Variants in ST3GAL2 observed in about 807,000 individuals in gnomAD.
ST3GAL2 encodes ST3 beta-galactoside alpha-2,3-sialyltransferase 2.
ST3GAL2 carries 16 observed loss-of-function variants against 37.5 expected under a neutral mutation model. The ratio of observed to expected loss-of-function variants is 0.43; its 90% confidence interval spans 0.29 to 0.65. The LOEUF (loss-of-function observed/expected upper bound fraction) is 0.65, where lower values mean the gene tolerates loss of function less well. Among genes scored for constraint, ST3GAL2 ranks in the 30% least tolerant of loss-of-function variants. The probability of loss-of-function intolerance (pLI) is 0.17; values close to 1 mark genes in which losing one functional copy is unlikely to be tolerated. For missense variants in ST3GAL2, 383 were observed against 487.8 expected (o/e 0.79, Z 2.02); for synonymous variants, 238 against 202.9 (o/e 1.17, Z -1.47).
At chr16:70,394,843 C>T (rs2151661895) in intron 3 of ST3GAL2, 139 bp downstream of exon 3, 1 of 922,678 alleles carries the variant, frequency 1.1e-6, no homozygotes. Flanking sequence ...TCCAAGCCTG[C>T]TGTGAAAGAC....
At chr16:70,394,870 C>A in intron 3 of ST3GAL2, 112 bp downstream of exon 3, 1 of 1,264,230 alleles carries the variant, frequency 7.9e-7, no homozygotes, top group Non-Finnish European at 1.1e-6. Context: ...AGGCAGGGCC[C>A]CACAGCACAC....
chr16:70,408,844 G>C (rs1273372366), intron 1 of ST3GAL2, among the ~76,000 whole-genome samples: 1 of 127,392 alleles, frequency 7.8e-6, no homozygotes, highest in African/African-American at 3.0e-5. Flanking sequence ...CAAAGATCGA[G>C]GCTGCACCCT....
At chr16:70,389,028 C>T (rs1382080642) in intron 3 of ST3GAL2, among the ~76,000 whole-genome samples, 7 of 142,976 alleles carry the variant, frequency 4.9e-5, no homozygotes, top group African/African-American at 1.3e-4. Context: ...GAGCCGACAT[C>T]GCACCACCGC....
Position 70,381,807 on chromosome 16 carries a change from T to C in ST3GAL2, c.935A>G (p.Glu312Gly). The C allele has an allele frequency of 1.9e-6, 3 of 1,614,068 alleles. No individual in the cohort carries two copies. Among genetic ancestry groups the C allele is most frequent in the Non-Finnish European group, 2.5e-6 (3 of 1,179,952 alleles). Reference sequence around the variant, plus strand: ...GAACTCGCCCGCGTACCGGTTGTTCTCCCAGTAGTGGTGCCAGTTGCCCCG... The same window carrying C: ...GAACTCGCCCGCGTACCGGTTGTTCCCCCAGTAGTGGTGCCAGTTGCCCCG... ...DSRGNWHHYW[E>G]NNRYAGEFRK... Residue 312 changes from glutamate to glycine, a missense_variant, in exon 7 of 7, where the codon GAG (glutamate) becomes GGG (glycine). This residue lies in a region of ST3GAL2 where 160 missense variants were observed against 248.6 expected (regional missense o/e 0.64). Transcript: ENST00000342907.
At chr16:70,425,376 T>C (rs2047742753) in intron 1 of ST3GAL2, among the ~76,000 whole-genome samples, 1 of 151,990 alleles carries the variant, frequency 6.6e-6, no homozygotes, top group African/African-American at 2.4e-5. Flanking sequence ...GCAGGAGAAT[T>C]GCTTGAACCC....
intron 4 of ST3GAL2, among the ~76,000 whole-genome samples, chr16:70,386,210 C>T (rs1319329634): frequency 3.4e-5 from 5 of 149,118 alleles, no homozygotes; most frequent in Admixed American, 1.3e-4. Flanking sequence ...CTTCCTGAGA[C>T]GGAGTCTCGC....
Position 70,398,472 on chromosome 16 carries a change from A to G in ST3GAL2, c.59T>C (p.Met20Thr). ...LSVAFLLVFI[M>T]SLLFTYSHHS... ...GTGCGAGTAGGTGAAGAGCAGGGAC[A>G]TGATGAACACCAGCAGGAAGGCCAC... The change falls in exon 2 of 7, where the codon ATG becomes ACG. Residue 20 changes from methionine to threonine, a missense_variant. Around this residue, in one of 2 missense-constraint regions of ST3GAL2, gnomAD observed 223 missense variants for 239.1 expected, o/e 0.93. Transcript: ENST00000342907. 2 of 1,613,454 alleles carry G rather than the reference A, an allele frequency of 1.2e-6. No homozygotes were observed. The highest frequency in any genetic ancestry group is 1.7e-6 in the Non-Finnish European group (2 of 1,179,954).
chr16:70,399,967 G>A (rs989123467), intron 1 of ST3GAL2: 1 of 152,404 alleles, frequency 6.6e-6, no homozygotes, highest in African/African-American at 2.4e-5. Context: ...TCAGAAGGGA[G>A]GGCTGGCCGG....
At chr16:70,432,621 G>A (rs1159009157) in intron 1 of ST3GAL2, among the ~76,000 whole-genome samples, 8 of 152,184 alleles carry the variant, frequency 5.3e-5, no homozygotes, top group Non-Finnish European at 1.2e-4. Flanking sequence ...ATAACTGGAG[G>A]AAAAAGCCTG....
intron 1 of ST3GAL2, among the ~76,000 whole-genome samples, chr16:70,408,783 CTT>C (rs983516974): frequency 3.3e-5 from 5 of 150,604 alleles, no homozygotes; most frequent in Non-Finnish European, 7.4e-5. Flanking sequence ...AAGAGCATAA[CTT>C]TGGCTTTCAA....
rs2047351846 is a variant in ST3GAL2 at position 70,376,898 on chromosome 16, A to C, written c.*4791T>G. 1 of 151,898 alleles carries C rather than the reference A, an allele frequency of 6.6e-6. No individual in the cohort carries two copies. Among genetic ancestry groups the C allele is most frequent in the Non-Finnish European group, 1.5e-5 (1 of 67,986 alleles). 9.4% of individuals were successfully genotyped at this position (151,898 alleles called of 1,614,324 possible). ...CTGGGATCACAGCCGTCTGCCACTA[A>C]GCCTGGCCAATTTTTTGTATTTTTA... On this transcript the variant is annotated 3_prime_UTR_variant, in exon 7 of 7. Coordinates refer to ENST00000342907, the MANE Select transcript of ST3GAL2 (RefSeq NM_006927.4).
chr16:70,412,168 T>C (rs1474645366), intron 1 of ST3GAL2, among the ~76,000 whole-genome samples: 1 of 152,232 alleles, frequency 6.6e-6, no homozygotes, highest in East Asian at 1.9e-4. Context: ...TGTCTTAGCC[T>C]GTCCAAAAAT....
intron 3 of ST3GAL2, among the ~76,000 whole-genome samples, chr16:70,389,638 G>C (rs1383492628): frequency 6.6e-6 from 1 of 151,944 alleles, no homozygotes; most frequent in Non-Finnish European, 1.5e-5. Context: ...CTAATTTTTT[G>C]TATTTTCAGT....
intron 1 of ST3GAL2, among the ~76,000 whole-genome samples, chr16:70,409,236 G>C (rs2047618608): frequency 6.6e-6 from 1 of 152,180 alleles, no homozygotes; most frequent in African/African-American, 2.4e-5. Context: ...CCAGGGGTTG[G>C]AGCCTGGGCA....
chr16:70,396,884 T>C (rs974532611), intron 2 of ST3GAL2, among the ~76,000 whole-genome samples: 2 of 151,978 alleles, frequency 1.3e-5, no homozygotes, highest in African/African-American at 4.8e-5. Context: ...AGAAAAGTGA[T>C]GACTGGAAAG....
At chr16:70,396,255 A>G (rs2047515286) in intron 2 of ST3GAL2, among the ~76,000 whole-genome samples, 1 of 150,920 alleles carries the variant, frequency 6.6e-6, no homozygotes. Context: ...CTTTTACTCA[A>G]AAGTAAATTA....
intron 1 of ST3GAL2, among the ~76,000 whole-genome samples, chr16:70,410,240 CTTTTTTT>C (rs751045679): frequency 1.4e-3 from 88 of 62,632 alleles, no homozygotes; most frequent in African/African-American, 5.2e-3. Flanking sequence ...CCACCCTCAC[CTTTTTTT>C]TTTTTTTTTT....
intron 1 of ST3GAL2, among the ~76,000 whole-genome samples, chr16:70,419,211 C>T (rs2047696989): frequency 6.6e-6 from 1 of 152,226 alleles, no homozygotes; most frequent in South Asian, 2.1e-4. Flanking sequence ...AGCTAGGGTG[C>T]CTGCAAGTCC....
chr16:70,409,777 A>G (rs185096113), intron 1 of ST3GAL2, among the ~76,000 whole-genome samples: 90 of 150,862 alleles, frequency 6.0e-4, no homozygotes, highest in Non-Finnish European at 9.3e-4. Context: ...AGCTAGGACC[A>G]TAGGCATACG....
Sources: allele counts gnomAD v4.1 joint callset (sites outside exome capture counted in the v4.1 genomes callset), GRCh38; gene constraint gnomAD v4.1.1; regional missense constraint gnomAD v4.1.1; transcripts MANE v1.5; gene names NCBI Gene and HGNC (gene_info 2026-07-23, HGNC 2026-07-21).